The following NAALADL2 variants were observed in gnomAD, a reference collection of about 807,000 sequenced individuals.
NAALADL2 encodes inactive N-acetylated-alpha-linked acidic dipeptidase-like protein 2.
A neutral mutation model predicts 87.2 loss-of-function variants in NAALADL2; 76 were observed. The ratio of observed to expected loss-of-function variants is 0.87; its 90% CI spans 0.72 to 1.05. The LOEUF is 1.05. Ranked by LOEUF, NAALADL2 falls within the 50% of genes least tolerant of loss-of-function variation. NAALADL2 has a pLI of 0.00. For synonymous variants in NAALADL2, 354 were observed against 331.0 expected, an observed-to-expected ratio of 1.07 and a Z score of -0.75; for missense variants, 1,089 against 945.8, an observed-to-expected ratio of 1.15 and a Z score of -1.99.
intron 2 of NAALADL2, among the ~76,000 whole-genome samples, chr3:174,618,569 T>A (rs1234838171): frequency 6.6e-6 from 1 of 151,832 alleles, no homozygotes. Context: ...CTTGGATTAA[T>A]CTACTGAAAG....
chr3:175,361,097 C>T (rs903330908), intron 5 of NAALADL2, among the ~76,000 whole-genome samples: 4 of 151,802 alleles, frequency 2.6e-5, no homozygotes, highest in African/African-American at 7.3e-5. Flanking sequence ...CAATTCCCAC[C>T]TATGAGTGAG....
intron 1 of NAALADL2, among the ~76,000 whole-genome samples, chr3:174,974,887 T>C (rs758365776): frequency 2.6e-5 from 4 of 152,104 alleles, no homozygotes; most frequent in Non-Finnish European, 5.9e-5. Context: ...ATATGTCTAA[T>C]CAGGTTTCAG....
intron 13 of NAALADL2, among the ~76,000 whole-genome samples, 200 bp from the exon 14 acceptor site, chr3:175,802,801 CTCTT>C (rs2108358944): frequency 6.6e-6 from 1 of 151,956 alleles, no homozygotes; most frequent in South Asian, 2.1e-4. Flanking sequence ...GATCATTTCT[CTCTT>C]TCTCATCAAT....
intron 2 of NAALADL2, among the ~76,000 whole-genome samples, chr3:174,622,762 C>T (rs879910859): frequency 6.6e-6 from 1 of 152,130 alleles, no homozygotes; most frequent in Non-Finnish European, 1.5e-5. Context: ...GGAATCGGGC[C>T]GGGCGCGGTG....
At chr3:175,467,237 A>T in intron 8 of NAALADL2, 53 bp downstream of exon 8, 1 of 1,465,046 alleles carries the variant, frequency 6.8e-7, no homozygotes, top group Non-Finnish European at 9.3e-7. Context: ...AGTTTGCTAA[A>T]GTAGACAAAG....
At chr3:174,688,352 G>C (rs1728235650) in intron 2 of NAALADL2, among the ~76,000 whole-genome samples, 1 of 151,866 alleles carries the variant, frequency 6.6e-6, no homozygotes, top group African/African-American at 2.4e-5. Context: ...GTAAATGTTA[G>C]CTATTATTAT....
At chr3:175,013,304 T>A (rs1320202546) in intron 1 of NAALADL2, among the ~76,000 whole-genome samples, 5 of 116,352 alleles carry the variant, frequency 4.3e-5, no homozygotes, top group Non-Finnish European at 8.5e-5. Context: ...TATATATATT[T>A]TTTTTTTTTT....
At chr3:174,987,547 C>T (rs1219413612) in intron 1 of NAALADL2, among the ~76,000 whole-genome samples, 8 of 101,296 alleles carry the variant, frequency 7.9e-5, no homozygotes, top group South Asian at 6.8e-4. Flanking sequence ...CCAGCCTGGG[C>T]GACAGAGCGA....
intron 5 of NAALADL2, among the ~76,000 whole-genome samples, chr3:175,324,746 A>G (rs1760470934): frequency 6.6e-6 from 1 of 152,208 alleles, no homozygotes; most frequent in African/African-American, 2.4e-5. Context: ...TGATCAAGTT[A>G]GGTGAGTAAA....
At chr3:175,220,331 G>T (rs1743172191) in intron 2 of NAALADL2, among the ~76,000 whole-genome samples, 1 of 151,502 alleles carries the variant, frequency 6.6e-6, no homozygotes, top group African/African-American at 2.4e-5. Flanking sequence ...AGGATAACTG[G>T]GTTTGGAAAG....
intron 1 of NAALADL2, among the ~76,000 whole-genome samples, chr3:174,517,360 C>G (rs528301795): frequency 6.6e-6 from 1 of 151,972 alleles, no homozygotes; most frequent in Non-Finnish European, 1.5e-5. Flanking sequence ...TTAGCAGTTC[C>G]TTTTCATATC....
At chr3:175,645,574 A>G (rs902654744) in intron 11 of NAALADL2, among the ~76,000 whole-genome samples, 1 of 152,052 alleles carries the variant, frequency 6.6e-6, no homozygotes, top group Admixed American at 6.6e-5. Flanking sequence ...ATCTAGTTAC[A>G]GAGGGAGAAG....
intron 1 of NAALADL2, among the ~76,000 whole-genome samples, chr3:174,891,796 C>G (rs1038160239): frequency 6.6e-6 from 1 of 152,244 alleles, no homozygotes; most frequent in Non-Finnish European, 1.5e-5. Context: ...CGGGGAAATA[C>G]ATGACATACT....
intron 9 of NAALADL2, among the ~76,000 whole-genome samples, chr3:175,512,143 C>T (rs1358739029): frequency 6.6e-6 from 1 of 152,082 alleles, no homozygotes; most frequent in Non-Finnish European, 1.5e-5. Flanking sequence ...ACTCAGGAGG[C>T]TGAGATTGGA....
intron 9 of NAALADL2, among the ~76,000 whole-genome samples, chr3:175,569,857 G>C (rs866139453): frequency 1.8e-4 from 22 of 122,286 alleles, no homozygotes; most frequent in African/African-American, 8.2e-4. Context: ...CACACACACA[G>C]ACACTTTATA....
intron 4 of NAALADL2, among the ~76,000 whole-genome samples, chr3:175,282,514 T>G (rs868408873): frequency 6.6e-5 from 10 of 152,060 alleles, no homozygotes; most frequent in Middle Eastern, 3.4e-3. Context: ...AAGAATATCA[T>G]CTGAATAAAA....
chr3:175,254,704 T>C (rs964163671), intron 3 of NAALADL2, among the ~76,000 whole-genome samples: 1 of 152,226 alleles, frequency 6.6e-6, no homozygotes, highest in Non-Finnish European at 1.5e-5. Flanking sequence ...ACTTTTGCAA[T>C]GTAATCATTA....
intron 1 of NAALADL2, among the ~76,000 whole-genome samples, chr3:174,453,112 A>T (rs545051491): frequency 1.0e-3 from 152 of 152,354 alleles, no homozygotes; most frequent in Admixed American, 2.9e-3. Context: ...ATAGCTGAAA[A>T]ACACACTATA....
At chr3:174,664,867 C>T (rs1325329176) in intron 2 of NAALADL2, among the ~76,000 whole-genome samples, 1 of 152,168 alleles carries the variant, frequency 6.6e-6, no homozygotes, top group Non-Finnish European at 1.5e-5. Context: ...CCTGAAGTTG[C>T]TTGATAGATC....
Sources: gnomAD v4.1 joint callset for allele counts (sites outside exome capture counted in the v4.1 genomes callset) on GRCh38, gnomAD v4.1.1 for gene constraint, MANE v1.5 for transcripts, NCBI Gene and HGNC (gene_info 2026-07-23, HGNC 2026-07-21) for gene names.